SRPK2: variants seen among roughly 807,000 people sequenced by gnomAD.
SRPK2 encodes SFRS protein kinase 2.
A neutral mutation model predicts 90.8 loss-of-function variants in SRPK2; 21 were observed. The ratio of observed to expected loss-of-function variants is 0.23; its 90% CI spans 0.16 to 0.33. The LOEUF (loss-of-function observed/expected upper bound fraction) is 0.33. Ranked by LOEUF, SRPK2 falls within the 10% of genes least tolerant of loss-of-function variation. The pLI, the probability that SRPK2 is intolerant of heterozygous loss-of-function variation, is 1.00. For synonymous variants in SRPK2, 288 were observed against 311.1 expected (o/e 0.93, Z 0.78); for missense variants, 620 against 869.0 (o/e 0.71, Z 3.60).
chr7:105,261,041 A>G (rs1315974833), intron 2 of SRPK2, among the ~76,000 whole-genome samples: 1 of 150,910 alleles, frequency 6.6e-6, no homozygotes, highest in East Asian at 2.0e-4. Context: ...AAAAAAAAAA[A>G]ACAGTATGGA....
intron 2 of SRPK2, among the ~76,000 whole-genome samples, chr7:105,339,353 T>C (rs1815476009): frequency 6.6e-6 from 1 of 152,210 alleles, no homozygotes; most frequent in Admixed American, 6.5e-5. Flanking sequence ...ATCACCTCAT[T>C]CATTCCATAA....
intron 2 of SRPK2, among the ~76,000 whole-genome samples, chr7:105,303,999 C>A (rs186034291): frequency 1.3e-5 from 2 of 152,288 alleles, no homozygotes; most frequent in Admixed American, 1.3e-4. Context: ...GTTTTCATTA[C>A]GACCTGAAAA....
chr7:105,146,894 C>A (rs888758068), intron 7 of SRPK2, among the ~76,000 whole-genome samples: 20 of 152,300 alleles, frequency 1.3e-4, no homozygotes, highest in Non-Finnish European at 2.2e-4. Flanking sequence ...GCAAATGCAT[C>A]TACATACAGT....
chr7:105,356,682 A>G (rs990743035), intron 2 of SRPK2, among the ~76,000 whole-genome samples: 10 of 152,130 alleles, frequency 6.6e-5, no homozygotes, highest in African/African-American at 2.2e-4. Flanking sequence ...GGCAAGTACA[A>G]CCTGTATTTG....
At chr7:105,293,379 A>AT (rs1809325620) in intron 2 of SRPK2, among the ~76,000 whole-genome samples, 1 of 152,182 alleles carries the variant, frequency 6.6e-6, no homozygotes, top group Non-Finnish European at 1.5e-5. Context: ...CCACTCTAGA[A>AT]TTTGGCAAGA....
chr7:105,263,765 A>G (rs918861832), intron 2 of SRPK2, among the ~76,000 whole-genome samples: 2 of 151,998 alleles, frequency 1.3e-5, no homozygotes, highest in African/African-American at 2.4e-5. Flanking sequence ...AAACAAACAA[A>G]AACACTGAAA....
upstream of SRPK2, among the ~76,000 whole-genome samples, chr7:105,390,769 T>C (rs1341156519): frequency 6.6e-6 from 1 of 152,104 alleles, no homozygotes; most frequent in Non-Finnish European, 1.5e-5. Context: ...TGTTTTGTTT[T>C]GTTTTGTTGT....
chr7:105,182,501 A>C (rs1447232694), intron 3 of SRPK2, among the ~76,000 whole-genome samples: 2 of 146,932 alleles, frequency 1.4e-5, no homozygotes, highest in African/African-American at 5.1e-5. Context: ...GCCCAGACTG[A>C]AGTGCAGCGG....
chr7:105,149,542 G>A (rs901291288), intron 7 of SRPK2, among the ~76,000 whole-genome samples: 16 of 152,190 alleles, frequency 1.1e-4, no homozygotes, highest in Middle Eastern at 3.4e-3. Flanking sequence ...TATGCTGGGC[G>A]CCAGTCCCCT....
intron 2 of SRPK2, among the ~76,000 whole-genome samples, chr7:105,315,419 T>G (rs2131450817): frequency 6.6e-6 from 1 of 152,342 alleles, no homozygotes; most frequent in East Asian, 1.9e-4. Context: ...GAAGCTGAAC[T>G]AGATAAGTGG....
chr7:105,127,706 A>C (rs1451592993), intron 13 of SRPK2, among the ~76,000 whole-genome samples: 1 of 141,406 alleles, frequency 7.1e-6, no homozygotes, highest in East Asian at 2.0e-4. Flanking sequence ...GTCCCTCAGC[A>C]TGCCAGCATG....
At chr7:105,249,153 A>G (rs1199061219) in intron 2 of SRPK2, among the ~76,000 whole-genome samples, 1 of 152,146 alleles carries the variant, frequency 6.6e-6, no homozygotes, top group Admixed American at 6.6e-5. Context: ...GATGCGGGCC[A>G]CCTTGTACAT....
At chr7:105,364,555 C>A (rs1165622932) in intron 2 of SRPK2, among the ~76,000 whole-genome samples, 3 of 152,094 alleles carry the variant, frequency 2.0e-5, no homozygotes, top group Non-Finnish European at 2.9e-5. Flanking sequence ...TACCCGCCAT[C>A]ATGCCTAGCT....
intron 2 of SRPK2, among the ~76,000 whole-genome samples, chr7:105,388,396 T>C (rs1005403370): frequency 1.2e-3 from 184 of 147,310 alleles, no homozygotes; most frequent in Middle Eastern, 3.6e-3. Context: ...CGCCGGCCGG[T>C]GGCGACCCGG....
intron 2 of SRPK2, among the ~76,000 whole-genome samples, chr7:105,228,113 C>T (rs1798948030): frequency 6.6e-6 from 1 of 152,136 alleles, no homozygotes; most frequent in Non-Finnish European, 1.5e-5. Context: ...GCAATCTTGG[C>T]TCACTGCAAC....
At chr7:105,320,560 C>T (rs1057204924) in intron 2 of SRPK2, among the ~76,000 whole-genome samples, 17 of 151,986 alleles carry the variant, frequency 1.1e-4, no homozygotes, top group Admixed American at 7.2e-4. Context: ...TCTTGTAAGG[C>T]GACCCATAAA....
chr7:105,306,675 A>G, intron 2 of SRPK2: 1 of 344,842 alleles, frequency 2.9e-6, no homozygotes, highest in Non-Finnish European at 5.6e-6. Context: ...TAACCGAAAC[A>G]CTCATTTACA....
chr7:105,309,730 T>C (rs902723887), intron 2 of SRPK2, among the ~76,000 whole-genome samples: 6 of 152,308 alleles, frequency 3.9e-5, no homozygotes, highest in African/African-American at 1.4e-4. Flanking sequence ...TTTAAAGCAC[T>C]GTCAACCACA....
At position 105,388,792 on chromosome 7, in the gene SRPK2, T is replaced by A; in HGVS notation, c.15A>T (p.Lys5Asn). 1 of 1,479,872 alleles carries A rather than the reference T, an allele frequency of 6.8e-7. No homozygotes were observed. Among genetic ancestry groups the A allele is most frequent in the Non-Finnish European group, 9.0e-7 (1 of 1,111,360 alleles). The allele number at this position is 1,479,872 out of a possible 1,614,324, so 91.7% of individuals were successfully genotyped here. A position where few individuals can be genotyped will look rare whatever the true frequency, so the allele number is the denominator to read the frequency against. Residue 5 changes from lysine (K) to asparagine (N), a missense_variant and splice_region_variant, in exon 1 of 16, where the codon AAA (lysine) becomes AAT (asparagine). By Grantham distance (94) the Lys-to-Asn change is moderately conservative. This residue lies in a region of SRPK2 where 56 missense variants were observed against 49.6 expected (regional missense o/e 1.13). Transcript: ENST00000393651. Reference protein sequence around the residue: MSSRKVLAIQARKRR... With the variant: MSSRNVLAIQARKRR... Reference sequence around the variant, plus strand: ...GAGGGCGCGCCGCGGGCCACTCACCTTTCCGGGAGCTCATTCCGACGCGGC... The same window carrying A: ...GAGGGCGCGCCGCGGGCCACTCACCATTCCGGGAGCTCATTCCGACGCGGC...
Sources: gnomAD v4.1 joint callset for allele counts (sites outside exome capture counted in the v4.1 genomes callset) on GRCh38, gnomAD v4.1.1 for gene constraint, gnomAD v4.1.1 regional missense constraint, MANE v1.5 for transcripts, NCBI Gene and HGNC (gene_info 2026-07-23, HGNC 2026-07-21) for gene names.